CSMD1: variants seen among roughly 807,000 people sequenced by gnomAD.
CSMD1 encodes the protein CUB and Sushi multiple domains 1.
Under a neutral mutation model 417.5 loss-of-function variants are expected in CSMD1, and 213 were observed. That is an observed-to-expected ratio of 0.51 (90% CI 0.46 to 0.57). CSMD1 has a LOEUF of 0.57. Ranked by LOEUF, CSMD1 falls within the 20% of genes least tolerant of loss-of-function variation. The pLI, the probability that CSMD1 is intolerant of heterozygous loss-of-function variation, is 0.00. For missense variants in CSMD1, 6,923 were observed against 4,529.7 expected (o/e 1.53, Z -15.17); for synonymous variants, 2,862 against 1,736.8 (o/e 1.65, Z -16.11).
In CSMD1 at chr8:2,961,136, A is replaced by G. The variant is rs753079949; in HGVS notation, c.9702+5T>C. ...AGAAAACATAGTAAATTCATAATGA[A>G]CTACCTCATAGCCTCTGGAGCTATT... On this transcript the variant is annotated splice_donor_5th_base_variant and intron_variant, in intron 62 of 69. Transcript: ENST00000635120. The G allele has an allele frequency of 6.5e-6, 10 of 1,544,070 alleles. No individual in the cohort carries two copies. The highest frequency in any genetic ancestry group is 1.4e-5 in the African/African-American group (1 of 73,648).
chr8:3,821,132 G>A (rs1395075644), intron 5 of CSMD1, among the ~76,000 whole-genome samples: 2 of 152,016 alleles, frequency 1.3e-5, no homozygotes, highest in Admixed American at 6.6e-5. Flanking sequence ...AAGCCAGGCT[G>A]GTCTCGAACT....
chr8:4,459,219 T>C (rs778322521), intron 2 of CSMD1, among the ~76,000 whole-genome samples: 8 of 152,190 alleles, frequency 5.3e-5, no homozygotes, highest in Admixed American at 5.2e-4. Context: ...GTTCCACCTA[T>C]GTAGGAGGTA....
At position 3,468,803 on chromosome 8, in the gene CSMD1, A is replaced by G; in HGVS notation, c.1470T>C (p.Pro490=). 2 of 1,600,842 alleles carry G rather than the reference A, an allele frequency of 1.2e-6. No individual in the cohort carries two copies. The highest frequency in any genetic ancestry group is 1.7e-6 in the Non-Finnish European group (2 of 1,173,714). ...VLYVLTGSSV[P]DLIVSMSNQM... ...GGTTGCTCATGCTCACAATGAGGTC[A>G]GGAACACTGGATCCCGTGAGCCTGC... Residue 490 remains proline, a synonymous_variant, in exon 12 of 70, where the codon CCT becomes CCC. Coordinates refer to ENST00000635120, the MANE Select transcript of CSMD1 (RefSeq NM_033225.6).
chr8:4,832,889 G>C (rs1308974764), intron 1 of CSMD1, among the ~76,000 whole-genome samples: 1 of 152,070 alleles, frequency 6.6e-6, no homozygotes, highest in African/African-American at 2.4e-5. Context: ...ATAACAGAAA[G>C]CTCCGAACTA....
chr8:3,249,739 G>T (rs149790404), intron 26 of CSMD1, among the ~76,000 whole-genome samples: 102 of 113,730 alleles, frequency 9.0e-4, no homozygotes, highest in South Asian at 2.1e-3. Flanking sequence ...AGAAGCAAGA[G>T]AATGTGTTTA....
At chr8:4,095,954 TA>T (rs1054487670) in intron 3 of CSMD1, among the ~76,000 whole-genome samples, 5 of 152,178 alleles carry the variant, frequency 3.3e-5, no homozygotes, top group Non-Finnish European at 4.4e-5. Flanking sequence ...GATTCATGCC[TA>T]AAAGAAGGAC....
intron 68 of CSMD1, among the ~76,000 whole-genome samples, chr8:2,944,314 G>T (rs1031334940): frequency 3.9e-5 from 6 of 152,170 alleles, no homozygotes; most frequent in Admixed American, 3.3e-4. Flanking sequence ...GGGTTCTAGA[G>T]CCCTGGGGAC....
intron 3 of CSMD1, among the ~76,000 whole-genome samples, chr8:4,136,884 A>C (rs544093244): frequency 3.9e-4 from 60 of 152,348 alleles, no homozygotes; most frequent in African/African-American, 1.3e-3. Context: ...CAGAGAACAG[A>C]AACTTAACAA....
At chr8:4,223,843 G>A (rs1176536432) in intron 3 of CSMD1, among the ~76,000 whole-genome samples, 1 of 152,148 alleles carries the variant, frequency 6.6e-6, no homozygotes, top group Non-Finnish European at 1.5e-5. Flanking sequence ...TGTTGAGACT[G>A]ATAATGAACA....
At chr8:4,492,510 C>T (rs1347872190) in intron 2 of CSMD1, among the ~76,000 whole-genome samples, 1 of 152,156 alleles carries the variant, frequency 6.6e-6, no homozygotes, top group Non-Finnish European at 1.5e-5. Flanking sequence ...TTTTAAACCA[C>T]ATCTGATCAT....
chr8:4,063,897 G>A (rs1267677303), intron 3 of CSMD1, among the ~76,000 whole-genome samples: 2 of 152,128 alleles, frequency 1.3e-5, no homozygotes, highest in East Asian at 1.9e-4. Context: ...ATATCAAATC[G>A]TGCACAATGA....
intron 33 of CSMD1, among the ~76,000 whole-genome samples, chr8:3,197,449 T>A (rs75840759): frequency 0.022 from 3,171 of 147,156 alleles, 104 homozygotes; most frequent in African/African-American, 0.074. Context: ...TTTTCTATAA[T>A]ATAGCTCAAA....
intron 1 of CSMD1, among the ~76,000 whole-genome samples, chr8:4,930,853 T>C (rs1490533762): frequency 6.6e-6 from 1 of 152,256 alleles, no homozygotes; most frequent in African/African-American, 2.4e-5. Context: ...TAGATCTTAA[T>C]TTCTTAATAA....
At chr8:3,992,854 G>A (rs1218229643) in intron 5 of CSMD1, among the ~76,000 whole-genome samples, 1 of 152,236 alleles carries the variant, frequency 6.6e-6, no homozygotes, top group Non-Finnish European at 1.5e-5. Context: ...CAGCATTGCT[G>A]CGTGGTCTCC....
chr8:4,594,566 G>C (rs143257465), intron 2 of CSMD1, among the ~76,000 whole-genome samples: 3 of 152,030 alleles, frequency 2.0e-5, no homozygotes, highest in Non-Finnish European at 4.4e-5. Context: ...TGATGTGTGC[G>C]TTTTTTTGGA....
At chr8:3,487,607 G>A (rs950842591) in intron 11 of CSMD1, among the ~76,000 whole-genome samples, 4 of 152,156 alleles carry the variant, frequency 2.6e-5, no homozygotes, top group African/African-American at 4.8e-5. Flanking sequence ...TAAATTTGGT[G>A]TATAAATATT....
chr8:4,010,715 A>G (rs941999333), intron 4 of CSMD1, among the ~76,000 whole-genome samples: 1 of 152,014 alleles, frequency 6.6e-6, no homozygotes, highest in African/African-American at 2.4e-5. Flanking sequence ...CCTTGTCCCT[A>G]TCATGTCCTC....
At chr8:3,475,809 C>G (rs1319378298) in intron 11 of CSMD1, among the ~76,000 whole-genome samples, 1 of 152,188 alleles carries the variant, frequency 6.6e-6, no homozygotes, top group Non-Finnish European at 1.5e-5. Flanking sequence ...TTGTTCCTGC[C>G]TTACAACTAG....
chr8:3,286,376 G>C (rs559334479), intron 25 of CSMD1, among the ~76,000 whole-genome samples: 2 of 152,140 alleles, frequency 1.3e-5, no homozygotes, highest in East Asian at 1.9e-4. Context: ...GGTATTTCCA[G>C]TTCTAGATCC....
Sources: gnomAD v4.1 joint callset for allele counts (sites outside exome capture counted in the v4.1 genomes callset) on GRCh38, gnomAD v4.1.1 for gene constraint, MANE v1.5 for transcripts, NCBI Gene and HGNC (gene_info 2026-07-23, HGNC 2026-07-21) for gene names.